HMGCLL1: variants seen among roughly 807,000 people sequenced by gnomAD.
HMGCLL1 encodes the protein 3-hydroxymethyl-3-methylglutaryl-CoA lyase, cytoplasmic.
HMGCLL1 carries 36 observed loss-of-function variants against 39.1 expected under a neutral mutation model. That is an observed-to-expected ratio of 0.92 (90% CI 0.71 to 1.22). HMGCLL1 has a LOEUF of 1.22. Among genes scored for constraint, HMGCLL1 ranks in the 50% most tolerant of loss-of-function variants. HMGCLL1 has a pLI of 0.00. For missense variants in HMGCLL1, 451 were observed against 416.5 expected, an observed-to-expected ratio of 1.08 and a Z score of -0.72; for synonymous variants, 149 against 144.0, an observed-to-expected ratio of 1.03 and a Z score of -0.25.
chr6:55,585,973 G>A, the HMGCLL1 span, among the ~76,000 whole-genome samples: 1 of 152,034 alleles, frequency 6.6e-6, no homozygotes, highest in East Asian at 1.9e-4. Context: ...AAATTCTAAA[G>A]CTGTAGGATC....
intron 1 of HMGCLL1, among the ~76,000 whole-genome samples, chr6:55,558,248 T>A (rs948644987): frequency 2.0e-5 from 3 of 152,224 alleles, no homozygotes; most frequent in Non-Finnish European, 4.4e-5. Flanking sequence ...AAGTTTAAAC[T>A]ATAGGTTGAG....
the HMGCLL1 span, among the ~76,000 whole-genome samples, chr6:55,627,895 ATATAGTATATATAC>A: frequency 3.3e-4 from 11 of 33,630 alleles, 1 homozygote; most frequent in Non-Finnish European, 4.8e-4. Context: ...ATATATATAT[ATATAGTATATATAC>A]TATATATATA....
At chr6:55,677,568 T>G in the HMGCLL1 span, among the ~76,000 whole-genome samples, 1 of 152,230 alleles carries the variant, frequency 6.6e-6, no homozygotes, top group Non-Finnish European at 1.5e-5. Context: ...TTAAGATTCC[T>G]TGGTTTGGGG....
At chr6:55,552,350 C>T (rs911008045) in intron 1 of HMGCLL1, among the ~76,000 whole-genome samples, 1 of 152,142 alleles carries the variant, frequency 6.6e-6, no homozygotes, top group East Asian at 1.9e-4. Context: ...GGTGCATCTT[C>T]TAGGCATTCT....
intron 7 of HMGCLL1, among the ~76,000 whole-genome samples, chr6:55,480,425 T>C (rs950967420): frequency 6.6e-6 from 1 of 151,586 alleles, no homozygotes. Context: ...TAATGAGATA[T>C]CATCTCACAC....
At chr6:55,473,024 C>T (rs995192621) in intron 7 of HMGCLL1, among the ~76,000 whole-genome samples, 5 of 150,938 alleles carry the variant, frequency 3.3e-5, no homozygotes, top group South Asian at 2.1e-4. Flanking sequence ...TTTTCTTTTG[C>T]GAAGTCCACT....
At chr6:55,445,974 A>C (rs1409669801) in intron 7 of HMGCLL1, among the ~76,000 whole-genome samples, 2 of 152,024 alleles carry the variant, frequency 1.3e-5, no homozygotes, top group East Asian at 1.9e-4. Flanking sequence ...CTCTTACTAA[A>C]GGTGTAGAAC....
At position 55,488,444 on chromosome 6, in the gene HMGCLL1, C is replaced by T. The variant is rs147936840; in HGVS notation, c.795+6975G>A. ...ATTGAGGAAAAGGATGATGCTTCAT[C>T]ACGCTTTTTTAAAATTAACCAGTTT... On this transcript the variant is annotated intron_variant, in intron 7 of 8. Coordinates refer to ENST00000274901, the MANE Select transcript of HMGCLL1 (RefSeq NM_001042406.2). Among the ~76,000 whole-genome samples the T allele has an allele frequency of 5.7e-4, 86 of 152,128 alleles. No homozygotes were observed. The East Asian group carries it at 0.016, about 29-fold the overall frequency.
chr6:55,546,073 A>C (rs780792008), intron 1 of HMGCLL1, among the ~76,000 whole-genome samples: 7 of 152,092 alleles, frequency 4.6e-5, no homozygotes, highest in Non-Finnish European at 1.0e-4. Flanking sequence ...TGCTAGAAAA[A>C]CATTCTTGAA....
chr6:55,580,789 T>C (rs1489774565), upstream of HMGCLL1, among the ~76,000 whole-genome samples: 1 of 152,158 alleles, frequency 6.6e-6, no homozygotes, highest in African/African-American at 2.4e-5. Flanking sequence ...CTTAAAACTC[T>C]GTAAAGCACC....
chr6:55,476,942 G>T (rs1271244781), intron 7 of HMGCLL1, among the ~76,000 whole-genome samples: 1 of 110,176 alleles, frequency 9.1e-6, no homozygotes, highest in African/African-American at 3.0e-5. Flanking sequence ...AACAACAGCT[G>T]CTCTTAAATC....
At chr6:55,438,171 T>A (rs1487500555) in intron 8 of HMGCLL1, among the ~76,000 whole-genome samples, 1 of 152,110 alleles carries the variant, frequency 6.6e-6, no homozygotes, top group Non-Finnish European at 1.5e-5. Context: ...CCCTCATTTA[T>A]GTCATTAGCT....
At chr6:55,648,995 A>G in the HMGCLL1 span, among the ~76,000 whole-genome samples, 151,982 of 152,008 alleles carry the variant, frequency 1, 75,978 homozygotes, top group Middle Eastern at 1. Flanking sequence ...GAATCCAGCA[A>G]CACATCAAAA....
chr6:55,523,819 T>C (rs1343776483), intron 3 of HMGCLL1, among the ~76,000 whole-genome samples: 1 of 151,928 alleles, frequency 6.6e-6, no homozygotes, highest in African/African-American at 2.4e-5. Context: ...CAGAGGCTAG[T>C]TTGTGCAAAA....
intron 7 of HMGCLL1, among the ~76,000 whole-genome samples, chr6:55,441,641 T>C (rs1215403072): frequency 1.3e-5 from 2 of 152,096 alleles, no homozygotes; most frequent in African/African-American, 4.8e-5. Flanking sequence ...CTATGGGCTG[T>C]GACAGTTTCT....
intron 7 of HMGCLL1, among the ~76,000 whole-genome samples, chr6:55,481,979 C>T (rs904417883): frequency 1.3e-5 from 2 of 152,032 alleles, no homozygotes; most frequent in African/African-American, 4.8e-5. Context: ...ACTGTTTCTT[C>T]CATTTTTTCC....
chr6:55,565,136 A>G (rs1771151681), intron 1 of HMGCLL1, among the ~76,000 whole-genome samples: 1 of 152,126 alleles, frequency 6.6e-6, no homozygotes, highest in Admixed American at 6.6e-5. Flanking sequence ...ACTAGTCAAT[A>G]GACTGACATT....
At chr6:55,628,675 A>C in the HMGCLL1 span, among the ~76,000 whole-genome samples, 1 of 152,032 alleles carries the variant, frequency 6.6e-6, no homozygotes, top group Admixed American at 6.6e-5. Flanking sequence ...TCCCCACCCA[A>C]ATCTCATCTT....
intron 7 of HMGCLL1, among the ~76,000 whole-genome samples, chr6:55,467,192 T>C (rs998579411): frequency 2.6e-5 from 4 of 152,106 alleles, no homozygotes; most frequent in Non-Finnish European, 5.9e-5. Context: ...AGTGAAATTA[T>C]GGCATCAACT....
Sources: allele counts gnomAD v4.1 joint callset (sites outside exome capture counted in the v4.1 genomes callset), GRCh38; gene constraint gnomAD v4.1.1; transcripts MANE v1.5; gene names NCBI Gene and HGNC (gene_info 2026-07-23, HGNC 2026-07-21).